CNTFR: variants seen among roughly 807,000 people sequenced by gnomAD.
CNTFR encodes the protein ciliary neurotrophic factor receptor.
Under a neutral mutation model 40.4 loss-of-function variants are expected in CNTFR, and 12 were observed. The observed-to-expected ratio is 0.30, with a 90% CI of 0.19 to 0.48. CNTFR has a LOEUF of 0.48. CNTFR is among the 20% of genes least tolerant of loss of function. CNTFR has a pLI of 0.99. For synonymous variants in CNTFR, 202 were observed against 209.6 expected, an observed-to-expected ratio of 0.96 and a Z score of 0.31; for missense variants, 414 against 506.8, an observed-to-expected ratio of 0.82 and a Z score of 1.76.
chr9:34,561,565 G>A (rs1434987880), intron 4 of CNTFR, among the ~76,000 whole-genome samples: 2 of 152,208 alleles, frequency 1.3e-5, no homozygotes, highest in African/African-American at 4.8e-5. Context: ...AGGTGGATCA[G>A]GAGAAAGCAG....
At chr9:34,579,884 C>G (rs1827198625) in intron 2 of CNTFR, among the ~76,000 whole-genome samples, 1 of 152,134 alleles carries the variant, frequency 6.6e-6, no homozygotes, top group Non-Finnish European at 1.5e-5. Flanking sequence ...CTGGCCTCCT[C>G]CTCCTTGGCC....
rs943354302 is a variant in CNTFR at position 34,551,816 on chromosome 9, C to T, written c.*255G>A. 1.6e-6 allele frequency: 1 copy of T among 621,510 alleles called. No individual in the cohort carries two copies. The highest frequency in any genetic ancestry group is 2.7e-5 in the East Asian group (1 of 36,530). 38.5% of individuals were successfully genotyped at this position (621,510 alleles called of 1,614,324 possible). The stretch of plus-strand genomic sequence containing the variant: ...GCATTGGAGGGTCCAGCCCAAGGGG[C>T]CAGGGTGAGGGGGTCTTTGGTGGGT... On this transcript the variant is annotated 3_prime_UTR_variant, in exon 10 of 10. Coordinates refer to ENST00000378980, the MANE Select transcript of CNTFR (RefSeq NM_147164.3).
chr9:34,560,827 G>A (rs72735280), intron 4 of CNTFR, among the ~76,000 whole-genome samples: 12,393 of 152,312 alleles, frequency 0.081, 690 homozygotes, highest in South Asian at 0.13. Context: ...GTATGTGTGC[G>A]TGTGCCCCCA....
upstream of CNTFR, among the ~76,000 whole-genome samples, chr9:34,590,381 G>A (rs572202177): frequency 6.6e-6 from 1 of 152,290 alleles, no homozygotes; most frequent in South Asian, 2.1e-4. Flanking sequence ...CGGCGTCGCC[G>A]TGAGAGGAAC....
chr9:34,578,239 G>A (rs1025784493), intron 2 of CNTFR, among the ~76,000 whole-genome samples: 3 of 152,222 alleles, frequency 2.0e-5, no homozygotes, highest in African/African-American at 7.2e-5. Flanking sequence ...AGCGGGCCGG[G>A]AGGAGGGGAG....
chr9:34,557,486 A>G lies in CNTFR; in HGVS notation c.604+40T>C, dbSNP rs1825894960. 6.2e-7 allele frequency: 1 copy of G among 1,603,646 alleles called. No homozygotes were observed. The highest frequency in any genetic ancestry group is 8.5e-7 in the Non-Finnish European group (1 of 1,172,460). ...ATGGCACACATCCACTTACATTCCCACTGGAGTAGGCAGCAGGTCCCCCCA... is the reference window on the plus strand; with the variant it reads ...ATGGCACACATCCACTTACATTCCCGCTGGAGTAGGCAGCAGGTCCCCCCA... On this transcript the variant is annotated intron_variant, in intron 6 of 9. Coordinates refer to ENST00000378980, the MANE Select transcript of CNTFR (RefSeq NM_147164.3). The surrounding 1 kb of genome is among the most constrained non-coding windows in gnomAD (Gnocchi z 4.2).
In CNTFR at chr9:34,554,015, G is replaced by A. The variant is rs151122512; in HGVS notation, c.769-1161C>T. On this transcript the variant is annotated intron_variant, in intron 7 of 9. Transcript: ENST00000378980. The stretch of plus-strand genomic sequence containing the variant: ...CTGGGCATGTGCGGTGGGTCCAAGC[G>A]GGGCAGGAAGCCCCTCCAGTTCCTG... Among the ~76,000 whole-genome samples the A allele has an allele frequency of 4.8e-3, 725 of 152,238 alleles. 2 individuals carry two copies. Among genetic ancestry groups the A allele is most frequent in the African/African-American group, 0.013 (520 of 41,526 alleles).
rs904906107 is a variant in CNTFR at position 34,557,257 on chromosome 9, C to T, written c.604+269G>A. Among the ~76,000 whole-genome samples the T allele has an allele frequency of 6.6e-6, 1 of 152,174 alleles. No homozygotes were observed. Among genetic ancestry groups the T allele is most frequent in the African/African-American group, 2.4e-5 (1 of 41,434 alleles). On this transcript the variant is annotated intron_variant, in intron 6 of 9. Coordinates refer to ENST00000378980, the MANE Select transcript of CNTFR (RefSeq NM_147164.3). The surrounding 1 kb of genome is among the most constrained non-coding windows in gnomAD (Gnocchi z 4.2). Reference sequence around the variant, plus strand: ...TGGCCCAGCCTGCCCCCCCTTCCCCCTGCTGCATGTTCTGGGAGCCAGAAA... The same window carrying T: ...TGGCCCAGCCTGCCCCCCCTTCCCCTTGCTGCATGTTCTGGGAGCCAGAAA...
intron 3 of CNTFR, among the ~76,000 whole-genome samples, chr9:34,565,684 G>A (rs1458119180): frequency 6.6e-6 from 1 of 152,300 alleles, no homozygotes; most frequent in East Asian, 1.9e-4. Flanking sequence ...CAGCAACCCA[G>A]GCGTGATGGA....
chr9:34,578,175 G>A (rs1017879902), intron 2 of CNTFR, among the ~76,000 whole-genome samples: 42 of 152,212 alleles, frequency 2.8e-4, no homozygotes, highest in African/African-American at 9.4e-4. Flanking sequence ...GTGGGCGAGG[G>A]GCCGGGCCGC....
At chr9:34,587,601 TC>T (rs1827598175) in intron 1 of CNTFR, among the ~76,000 whole-genome samples, 1 of 152,102 alleles carries the variant, frequency 6.6e-6, no homozygotes, top group Admixed American at 6.5e-5. Context: ...GTCAATGTGA[TC>T]CCCAGCTTGG....
intron 4 of CNTFR, among the ~76,000 whole-genome samples, chr9:34,563,929 G>T (rs2132157293): frequency 6.6e-6 from 1 of 152,192 alleles, no homozygotes; most frequent in Non-Finnish European, 1.5e-5. Context: ...AGATGTCACT[G>T]CCCAGCTTGC....
Position 34,557,999 on chromosome 9 carries a change from A to C in CNTFR, c.320-15T>G, listed in dbSNP as rs1825919259. The C allele has an allele frequency of 4.0e-6, 6 of 1,517,590 alleles. No individual in the cohort carries two copies. Among genetic ancestry groups the C allele is most frequent in the Non-Finnish European group, 4.4e-6 (5 of 1,129,196 alleles). 94.0% of individuals were successfully genotyped at this position (1,517,590 alleles called of 1,614,324 possible). A position where few individuals can be genotyped will look rare whatever the true frequency, so the allele number is the denominator to read the frequency against. ...CCGCGGCGGCACTGGGGGTGAGGACAGTATGGTCAGGGCATTCTTGGAGCT... is the reference window on the plus strand; with the variant it reads ...CCGCGGCGGCACTGGGGGTGAGGACCGTATGGTCAGGGCATTCTTGGAGCT... On this transcript the variant is annotated splice_polypyrimidine_tract_variant and intron_variant, in intron 4 of 9. Transcript: ENST00000378980. The surrounding 1 kb of genome is among the most constrained non-coding windows in gnomAD (Gnocchi z 4.2).
chr9:34,557,802 G>T lies in CNTFR; in HGVS notation c.437+65C>A. On this transcript the variant is annotated intron_variant, in intron 5 of 9. Coordinates refer to ENST00000378980, the MANE Select transcript of CNTFR (RefSeq NM_147164.3). This position sits in a 1 kb window ranked among gnomAD's most constrained non-coding sequence, Gnocchi z 4.2. The stretch of plus-strand genomic sequence containing the variant: ...GGGCTGGGGTATGGACAGAGGGCAT[G>T]GTGGTGGGATGGGGGAGAGGTCAGA... 6.5e-7 allele frequency: 1 copy of T among 1,545,174 alleles called. No individual in the cohort carries two copies. The highest frequency in any genetic ancestry group is 8.9e-7 in the Non-Finnish European group (1 of 1,128,038).
At chr9:34,580,605 C>A (rs1400496001) in intron 2 of CNTFR, among the ~76,000 whole-genome samples, 11 of 152,178 alleles carry the variant, frequency 7.2e-5, no homozygotes, top group Non-Finnish European at 8.8e-5. Flanking sequence ...CCTTGGATGC[C>A]CCCACCCCCA....
chr9:34,558,637 C>T (rs959275998), intron 4 of CNTFR, among the ~76,000 whole-genome samples: 2 of 152,170 alleles, frequency 1.3e-5, no homozygotes, highest in African/African-American at 4.8e-5. Context: ...TGTGAATCTG[C>T]ATGTCTATGT....
intron 4 of CNTFR, 101 bp downstream of exon 4, chr9:34,564,498 C>A: frequency 9.0e-7 from 1 of 1,112,312 alleles, no homozygotes; most frequent in Non-Finnish European, 1.3e-6. Flanking sequence ...GCAGCTCTCC[C>A]CTCTCCATGT....
At position 34,556,247 on chromosome 9, in the gene CNTFR, G is replaced by A. The variant is rs376491136; in HGVS notation, c.768+8C>T. On this transcript the variant is annotated splice_region_variant and intron_variant, in intron 7 of 9. Coordinates refer to ENST00000378980, the MANE Select transcript of CNTFR (RefSeq NM_147164.3). ...GCACCCAGGATCTTGGCCGGGCAGG[G>A]CACTCACATGCTGCCACTGGTCCAG... 1.2e-6 allele frequency: 2 copies of A among 1,607,390 alleles called. No homozygotes were observed. Among genetic ancestry groups the A allele is most frequent in the South Asian group, 1.1e-5 (1 of 90,260 alleles).
Position 34,586,563 on chromosome 9 carries a change from C to G in CNTFR, c.-112+2992G>C, listed in dbSNP as rs1587182687. Reference sequence around the variant, plus strand: ...GGGCGGGGGAGATGTCTTGGGAGGACAGGAGTCTTATTTCCCCCACCTGGC... The same window carrying G: ...GGGCGGGGGAGATGTCTTGGGAGGAGAGGAGTCTTATTTCCCCCACCTGGC... On this transcript the variant is annotated intron_variant, in intron 1 of 9. Transcript: ENST00000378980. 1.3e-5 allele frequency among the ~76,000 whole-genome samples: 2 copies of G among 152,196 alleles called. 1 individual carries two copies. The highest frequency in any genetic ancestry group is 3.9e-4 in the East Asian group (2 of 5,188).
Sources: gnomAD v4.1 joint callset for allele counts (sites outside exome capture counted in the v4.1 genomes callset) on GRCh38, gnomAD v4.1.1 for gene constraint, Gnocchi (gnomAD v3.1) non-coding constraint, MANE v1.5 for transcripts, NCBI Gene and HGNC (gene_info 2026-07-23, HGNC 2026-07-21) for gene names.